Variants in FAXC observed in about 807,000 individuals in gnomAD.
The protein encoded by FAXC is failed axon connections homolog, metaxin like GST domain containing.
A neutral mutation model predicts 41.9 loss-of-function variants in FAXC; 10 were observed. The ratio of observed to expected loss-of-function variants is 0.24; its 90% confidence interval spans 0.15 to 0.41. FAXC has a LOEUF of 0.41. FAXC is among the 10% of genes least tolerant of loss of function. FAXC has a pLI of 1.00. For missense variants in FAXC, 399 were observed against 510.9 expected, an observed-to-expected ratio of 0.78 and a Z score of 2.11; for synonymous variants, 183 against 183.8, an observed-to-expected ratio of 1.00 and a Z score of 0.03.
chr6:99,288,643 T>C (rs1771111194), intron 5 of FAXC, among the ~76,000 whole-genome samples: 2 of 152,224 alleles, frequency 1.3e-5, no homozygotes, highest in African/African-American at 2.4e-5. Context: ...ATCCTCATAA[T>C]GACCATTTAG....
intron 3 of FAXC, among the ~76,000 whole-genome samples, chr6:99,328,878 G>A (rs1772926603): frequency 6.6e-6 from 1 of 152,208 alleles, no homozygotes; most frequent in South Asian, 2.1e-4. Flanking sequence ...TAAGTTTGCA[G>A]AAATAATGAA....
chr6:99,295,739 C>G (rs763952952), intron 4 of FAXC, among the ~76,000 whole-genome samples: 3 of 152,176 alleles, frequency 2.0e-5, no homozygotes, highest in Non-Finnish European at 4.4e-5. Flanking sequence ...TGTCCTATAT[C>G]TTATGACTGT....
At chr6:99,340,905 G>A (rs1773404468) in intron 2 of FAXC, among the ~76,000 whole-genome samples, 1 of 152,008 alleles carries the variant, frequency 6.6e-6, no homozygotes, top group East Asian at 1.9e-4. Context: ...CTGGCCTCAA[G>A]GGATCCATCC....
intron 3 of FAXC, among the ~76,000 whole-genome samples, chr6:99,331,481 T>A (rs1460542521): frequency 6.6e-6 from 1 of 151,936 alleles, no homozygotes; most frequent in Non-Finnish European, 1.5e-5. Flanking sequence ...TAGCAAGGAG[T>A]AAAGTTATGT....
rs1456320211 is a variant in FAXC at position 99,323,677 on chromosome 6, T to A, written c.600-10A>T. The A allele has an allele frequency of 2.5e-6, 4 of 1,608,796 alleles. No homozygotes were observed. Among genetic ancestry groups the A allele is most frequent in the Non-Finnish European group, 3.4e-6 (4 of 1,175,314 alleles). On this transcript the variant is annotated splice_polypyrimidine_tract_variant and intron_variant, in intron 3 of 5. Transcript: ENST00000389677. ...GCAATAAGCTAATGTCCTGGAATTG[T>A]GTGGAAACAAGTTACTACTGTGCAT...
intron 5 of FAXC, among the ~76,000 whole-genome samples, chr6:99,288,956 T>A (rs1220129072): frequency 6.6e-6 from 1 of 151,956 alleles, no homozygotes; most frequent in East Asian, 1.9e-4. Flanking sequence ...CCTGCCTCAG[T>A]TTCTTGTATG....
chr6:99,339,447 C>T (rs886911794), intron 2 of FAXC, among the ~76,000 whole-genome samples: 1 of 152,152 alleles, frequency 6.6e-6, no homozygotes, highest in Admixed American at 6.5e-5. Context: ...AAGTTGGCAT[C>T]CCTGGTAAAA....
In FAXC at chr6:99,294,980, G is replaced by A. The variant is rs1441238669; in HGVS notation, c.824-3160C>T. 2.6e-5 allele frequency among the ~76,000 whole-genome samples: 4 copies of A among 152,220 alleles called. No individual in the cohort carries two copies. In the East Asian group the frequency reaches 5.8e-4, roughly 22 times the overall value. On this transcript the variant is annotated intron_variant, in intron 4 of 5. Coordinates refer to ENST00000389677, the MANE Select transcript of FAXC (RefSeq NM_032511.4). ...CTACCAGGTCTCCTGACTTCTGGCC[G>A]ATGCTCTCGGTCTCCACAATGTGCC...
chr6:99,295,683 C>T (rs1771461488), intron 4 of FAXC, among the ~76,000 whole-genome samples: 1 of 152,172 alleles, frequency 6.6e-6, no homozygotes, highest in African/African-American at 2.4e-5. Flanking sequence ...TCTGAAGAAT[C>T]CTGACTAATA....
intron 1 of FAXC, among the ~76,000 whole-genome samples, chr6:99,343,522 C>T (rs974323561): frequency 2.0e-5 from 3 of 152,144 alleles, no homozygotes; most frequent in African/African-American, 7.2e-5. Context: ...CTGTTATCCA[C>T]GTTTTATAGA....
intron 1 of FAXC, among the ~76,000 whole-genome samples, chr6:99,345,700 T>C (rs534549200): frequency 6.6e-6 from 1 of 152,370 alleles, no homozygotes; most frequent in African/African-American, 2.4e-5. Flanking sequence ...AGATCAGATG[T>C]TGATTCGCCA....
chr6:99,336,386 C>A (rs1371312863), intron 2 of FAXC, among the ~76,000 whole-genome samples: 1 of 152,186 alleles, frequency 6.6e-6, no homozygotes, highest in Non-Finnish European at 1.5e-5. Context: ...CAGGCATGAG[C>A]CACCACACCC....
intron 5 of FAXC, chr6:99,283,960 T>C (rs931712335): frequency 5.9e-5 from 9 of 152,236 alleles, no homozygotes; most frequent in African/African-American, 2.2e-4. Context: ...GGCTTGTTTC[T>C]TCACCTTTCT....
intron 4 of FAXC, among the ~76,000 whole-genome samples, chr6:99,315,231 T>A (rs1173367135): frequency 1.8e-5 from 1 of 56,696 alleles, no homozygotes; most frequent in Non-Finnish European, 2.7e-5. Flanking sequence ...ACACTCCATC[T>A]TAAAAAAAAA....
chr6:99,333,705 T>C (rs981408688), intron 2 of FAXC, among the ~76,000 whole-genome samples, 158 bp from the exon 3 acceptor site: 8 of 152,098 alleles, frequency 5.3e-5, no homozygotes, highest in African/African-American at 1.9e-4. Context: ...AATACATGGT[T>C]ACTTCAGGAA....
At position 99,345,780 on chromosome 6, in the gene FAXC, A is replaced by C. The variant is rs79097189; in HGVS notation, c.267-2747T>G. On this transcript the variant is annotated intron_variant, in intron 1 of 5. Coordinates refer to ENST00000389677, the MANE Select transcript of FAXC (RefSeq NM_032511.4). ...AATAAGCACTGGTAATGAAGTTAGT[A>C]CTTAGTCATTCAATTTACAAACAAA... Among the ~76,000 whole-genome samples, 756 of 152,356 alleles carry C rather than the reference A, an allele frequency of 5.0e-3. 8 individuals are homozygous for C. The highest frequency in any genetic ancestry group is 0.017 in the African/African-American group (716 of 41,570).
intron 4 of FAXC, among the ~76,000 whole-genome samples, chr6:99,305,448 C>T (rs987155435): frequency 2.6e-5 from 4 of 152,120 alleles, no homozygotes; most frequent in African/African-American, 9.7e-5. Flanking sequence ...CTGACCCCCA[C>T]CCCTTATTAG....
At chr6:99,310,315 A>G (rs983455) in intron 4 of FAXC, among the ~76,000 whole-genome samples, 133,187 of 152,254 alleles carry the variant, frequency 0.87, 58,762 homozygotes, top group East Asian at 1. Flanking sequence ...ACCAAGGCAC[A>G]GTGCCCTCAC....
At chr6:99,334,441 A>T (rs1582681500) in intron 2 of FAXC, among the ~76,000 whole-genome samples, 1 of 152,082 alleles carries the variant, frequency 6.6e-6, no homozygotes, top group Non-Finnish European at 1.5e-5. Flanking sequence ...TTTCACCCCC[A>T]CCCTTTGGCC....
Sources: gnomAD v4.1 joint callset for allele counts (sites outside exome capture counted in the v4.1 genomes callset) on GRCh38, gnomAD v4.1.1 for gene constraint, MANE v1.5 for transcripts, NCBI Gene and HGNC (gene_info 2026-07-23, HGNC 2026-07-21) for gene names.